Variants in CPED1 observed in about 807,000 individuals in gnomAD.
CPED1 encodes the protein cadherin like and PC-esterase domain containing 1.
In CPED1, 114 loss-of-function variants were observed where a neutral mutation model predicts 128.2. The observed-to-expected ratio is 0.89, with a 90% CI of 0.76 to 1.04. The LOEUF is 1.04. CPED1 is among the 50% of genes least tolerant of loss of function. CPED1 has a pLI of 0.00. For missense variants in CPED1, 1,211 were observed against 1,207.1 expected (o/e 1.00, Z -0.05); for synonymous variants, 462 against 426.7 (o/e 1.08, Z -1.02).
rs758323651 is a variant in CPED1, at chr7:121,130,227, T to C, written c.1510T>C (p.Ser504Pro). 1.9e-6 allele frequency: 3 copies of C among 1,612,254 alleles called. No homozygotes were observed. In the African/African-American group the frequency reaches 4.0e-5, roughly 22 times the overall value. ...TGGCTCAGTCCTGACCCAATACTGG[T>C]CTCTTTTAAATGTATTTGAACAATT... ...NPGSVLTQYW[S>P]LLNVFEQFQF... The change falls in exon 12 of 23, where the codon TCT (serine) becomes CCT (proline). Residue 504 changes from serine (S) to proline (P), a missense_variant. Coordinates refer to ENST00000310396, the MANE Select transcript of CPED1 (RefSeq NM_024913.5).
intron 16 of CPED1, among the ~76,000 whole-genome samples, chr7:121,183,721 T>C (rs1050984346): frequency 6.6e-6 from 1 of 152,184 alleles, no homozygotes; most frequent in Non-Finnish European, 1.5e-5. Context: ...TTTTCAGGAT[T>C]TCAATTTTGC....
Position 121,125,697 on chromosome 7 carries a change from T to A in CPED1, c.1062-123T>A, listed in dbSNP as rs1584530300. Reference sequence around the variant, plus strand: ...TGGTGTGTATGTGCCACATTTTCTTTATCCAGTCTATCATTAATGGGCATT... The same window carrying A: ...TGGTGTGTATGTGCCACATTTTCTTAATCCAGTCTATCATTAATGGGCATT... On this transcript the variant is annotated intron_variant, in intron 8 of 22. Coordinates refer to ENST00000310396, the MANE Select transcript of CPED1 (RefSeq NM_024913.5). 1.2e-5 allele frequency: 8 copies of A among 676,180 alleles called. No homozygotes were observed. In the South Asian group the frequency reaches 1.4e-4, roughly 12 times the overall value. 41.9% of individuals were successfully genotyped at this position (676,180 alleles called of 1,614,324 possible).
chr7:121,205,073 C>T (rs1405078558), intron 16 of CPED1, among the ~76,000 whole-genome samples: 1 of 152,036 alleles, frequency 6.6e-6, no homozygotes, highest in Non-Finnish European at 1.5e-5. Context: ...ATGAGGATTT[C>T]AGATGAATTT....
intron 22 of CPED1, among the ~76,000 whole-genome samples, chr7:121,274,359 A>C (rs916055112): frequency 2.6e-5 from 4 of 152,164 alleles, no homozygotes; most frequent in African/African-American, 9.6e-5. Context: ...AAGCATGTTC[A>C]GGTAAAATCA....
intron 12 of CPED1, among the ~76,000 whole-genome samples, chr7:121,131,074 T>C (rs1447796257): frequency 6.6e-6 from 1 of 152,094 alleles, no homozygotes; most frequent in Non-Finnish European, 1.5e-5. Flanking sequence ...AAAGACTAAA[T>C]GGCCCTGCCA....
chr7:121,202,801 A>G (rs1315073133), intron 16 of CPED1, among the ~76,000 whole-genome samples: 2 of 152,086 alleles, frequency 1.3e-5, no homozygotes, highest in African/African-American at 4.8e-5. Context: ...CCTGATTGGG[A>G]AATAATTAAC....
At chr7:121,294,004 A>T (rs1366057064) in intron 22 of CPED1, among the ~76,000 whole-genome samples, 1 of 151,710 alleles carries the variant, frequency 6.6e-6, no homozygotes, top group Admixed American at 6.6e-5. Flanking sequence ...CACCCAAAAC[A>T]TCCTTACCAG....
intron 22 of CPED1, among the ~76,000 whole-genome samples, chr7:121,295,175 A>ACACACACACACACACACACAC (rs1562865931): frequency 1.3e-5 from 2 of 151,588 alleles, no homozygotes; most frequent in African/African-American, 4.9e-5. Flanking sequence ...ACACACACAC[A>ACACACACACACACACACACAC]AAGACTAGAA....
chr7:121,053,224 T>C (rs1006506087), intron 4 of CPED1, among the ~76,000 whole-genome samples: 1 of 152,138 alleles, frequency 6.6e-6, no homozygotes, highest in Non-Finnish European at 1.5e-5. Flanking sequence ...TTAAAAAAAA[T>C]GTTTGCCCCT....
chr7:121,071,819 G>A (rs1054238206), intron 5 of CPED1, among the ~76,000 whole-genome samples: 1 of 152,012 alleles, frequency 6.6e-6, no homozygotes, highest in Non-Finnish European at 1.5e-5. Context: ...ATAGCTCTTT[G>A]AGTTTATCCA....
At chr7:121,087,803 A>T (rs1452575936) in intron 5 of CPED1, among the ~76,000 whole-genome samples, 2 of 151,158 alleles carry the variant, frequency 1.3e-5, no homozygotes, top group African/African-American at 2.4e-5. Context: ...GGGATTACAG[A>T]CGCCCACCAC....
chr7:121,129,334 TAC>T (rs1287171070), intron 11 of CPED1, among the ~76,000 whole-genome samples: 62 of 127,814 alleles, frequency 4.9e-4, no homozygotes, highest in African/African-American at 1.8e-3. Flanking sequence ...TATATATATA[TAC>T]GTATATATAT....
At chr7:121,122,286 G>A (rs1795410674) in intron 7 of CPED1, among the ~76,000 whole-genome samples, 2 of 151,816 alleles carry the variant, frequency 1.3e-5, no homozygotes, top group Admixed American at 1.3e-4. Flanking sequence ...GATTACAGAT[G>A]TGTGCCACCA....
intron 3 of CPED1, among the ~76,000 whole-genome samples, chr7:121,042,289 A>G (rs1793079332): frequency 1.3e-5 from 2 of 152,100 alleles, no homozygotes. Context: ...CAATAGTATG[A>G]TGGGGCACGA....
intron 11 of CPED1, 60 bp from the exon 12 acceptor site, chr7:121,130,065 A>G (rs1002847830): frequency 1.5e-5 from 19 of 1,307,248 alleles, no homozygotes; most frequent in Non-Finnish European, 1.9e-5. Context: ...AAGGCTGTTC[A>G]TAGTAATACT....
intron 2 of CPED1, among the ~76,000 whole-genome samples, chr7:121,010,718 A>G (rs1302472689): frequency 6.6e-6 from 1 of 152,160 alleles, no homozygotes; most frequent in Non-Finnish European, 1.5e-5. Context: ...AGTAGTTCTG[A>G]GAAATGTGTA....
At chr7:121,251,606 A>G (rs569730893) in intron 18 of CPED1, among the ~76,000 whole-genome samples, 18 of 152,370 alleles carry the variant, frequency 1.2e-4, no homozygotes, top group African/African-American at 4.3e-4. Context: ...CTGATAAGCA[A>G]CTACAGCAAA....
intron 16 of CPED1, among the ~76,000 whole-genome samples, chr7:121,145,152 T>A (rs755759818): frequency 9.9e-5 from 15 of 152,004 alleles, no homozygotes; most frequent in South Asian, 2.1e-4. Flanking sequence ...TATATATATA[T>A]AAATTATGTA....
intron 22 of CPED1, among the ~76,000 whole-genome samples, chr7:121,283,941 G>T (rs1476941838): frequency 1.3e-5 from 2 of 152,076 alleles, no homozygotes; most frequent in Admixed American, 1.3e-4. Context: ...ACTTTTTTCA[G>T]CAGTTACTTA....
Sources: allele counts gnomAD v4.1 joint callset (sites outside exome capture counted in the v4.1 genomes callset), GRCh38; gene constraint gnomAD v4.1.1; transcripts MANE v1.5; gene names NCBI Gene and HGNC (gene_info 2026-07-23, HGNC 2026-07-21).